The following IFT52 variants were observed in gnomAD, a reference collection of about 807,000 sequenced individuals.
IFT52 encodes intraflagellar transport 52.
In IFT52, 44 loss-of-function variants were observed where a neutral mutation model predicts 54.4. That is an observed-to-expected ratio of 0.81 (90% CI 0.63 to 1.04). IFT52 has a LOEUF of 1.04. Among genes scored for constraint, IFT52 ranks in the 50% least tolerant of loss-of-function variants. The pLI is 0.00. For missense variants in IFT52, 452 were observed against 523.6 expected (o/e 0.86, Z 1.33); for synonymous variants, 181 against 185.3 (o/e 0.98, Z 0.19).
chr20:43,632,971 A>T (rs1162153730), intron 10 of IFT52, among the ~76,000 whole-genome samples: 1 of 152,120 alleles, frequency 6.6e-6, no homozygotes, highest in African/African-American at 2.4e-5. Context: ...TCCTGAAAGG[A>T]TCATTACATT....
In IFT52 at chr20:43,647,266, T is replaced by G; in HGVS notation, c.*283T>G. Reference sequence around the variant, plus strand: ...TTTTTCTCAACCCCAGTTCTGGATTTGAGTCTTTTATCAAAGACATAATTA... The same window carrying G: ...TTTTTCTCAACCCCAGTTCTGGATTGGAGTCTTTTATCAAAGACATAATTA... On this transcript the variant is annotated 3_prime_UTR_variant, in exon 14 of 14. Transcript: ENST00000373030. The G allele has an allele frequency of 2.2e-5, 10 of 445,972 alleles. No individual in the cohort carries two copies. In the South Asian group the frequency reaches 2.8e-4, roughly 13 times the overall value. The allele number at this position is 445,972 out of a possible 1,614,324, so 27.6% of individuals were successfully genotyped here. A position where few individuals can be genotyped will look rare whatever the true frequency, so the allele number is the denominator to read the frequency against.
chr20:43,640,072 G>A (rs1985812519), intron 12 of IFT52, among the ~76,000 whole-genome samples: 1 of 152,118 alleles, frequency 6.6e-6, no homozygotes, highest in African/African-American at 2.4e-5. Flanking sequence ...GCCCAGGTGG[G>A]AGGATTGCTT....
chr20:43,616,108 A>G (rs1208305507), intron 7 of IFT52, among the ~76,000 whole-genome samples: 3 of 152,032 alleles, frequency 2.0e-5, no homozygotes, highest in Non-Finnish European at 4.4e-5. Flanking sequence ...TTTCCTGGGG[A>G]AGTTATAACT....
intron 10 of IFT52, among the ~76,000 whole-genome samples, chr20:43,628,264 A>C (rs1984895498): frequency 6.6e-6 from 1 of 152,118 alleles, no homozygotes; most frequent in African/African-American, 2.4e-5. Flanking sequence ...TGGATCATTC[A>C]GTTGGTACCC....
chr20:43,625,213 T>C (rs989791604), intron 10 of IFT52, among the ~76,000 whole-genome samples: 1 of 151,974 alleles, frequency 6.6e-6, no homozygotes, highest in Non-Finnish European at 1.5e-5. Context: ...ACATTGCATT[T>C]TAAATAGGGT....
At chr20:43,606,876 CAT>C (rs1304230021) in intron 6 of IFT52, among the ~76,000 whole-genome samples, 1 of 152,146 alleles carries the variant, frequency 6.6e-6, no homozygotes, top group African/African-American at 2.4e-5. Flanking sequence ...GGACACAGCA[CAT>C]GTTTCAGAGA....
chr20:43,629,564 G>GC (rs1443939334), intron 10 of IFT52, among the ~76,000 whole-genome samples: 1 of 152,190 alleles, frequency 6.6e-6, no homozygotes, highest in Non-Finnish European at 1.5e-5. Context: ...CAGCCACCGA[G>GC]CCCGGCCCCA....
chr20:43,634,825 G>A (rs1039988600), intron 10 of IFT52, among the ~76,000 whole-genome samples: 4 of 151,994 alleles, frequency 2.6e-5, no homozygotes, highest in African/African-American at 9.7e-5. Context: ...GCCCCAGTGT[G>A]TATTCTCCCC....
At chr20:43,608,140 AGAGAGGGAGAGGGAGACCGTGGGGAGAGG>A (rs1411363597) in intron 6 of IFT52, among the ~76,000 whole-genome samples, 4 of 152,120 alleles carry the variant, frequency 2.6e-5, no homozygotes, top group African/African-American at 2.4e-5. Context: ...GACCGTGGAA[AGAGAGGGAGAGGGAGACCGTGGGGAGAGG>A]GAGAGGGAGA....
In IFT52 at chr20:43,605,320, G is replaced by A; in HGVS notation, c.485+247G>A. 3 of 913,986 alleles carry A rather than the reference G, an allele frequency of 3.3e-6. 1 individual carries two copies. In the South Asian group the frequency reaches 5.9e-5, roughly 18 times the overall value. 56.6% of individuals were successfully genotyped at this position (913,986 alleles called of 1,614,324 possible). A position where few individuals can be genotyped will look rare whatever the true frequency, so the allele number is the denominator to read the frequency against. ...TAGCACTTTTGGGAGGCCGAGGTGG[G>A]TGGCCCACCTGAGGTCAGGAGTTAG... On this transcript the variant is annotated intron_variant, in intron 6 of 13. Transcript: ENST00000373030.
intron 3 of IFT52, among the ~76,000 whole-genome samples, chr20:43,596,764 C>T (rs2145584595): frequency 9.3e-6 from 1 of 107,586 alleles, no homozygotes; most frequent in East Asian, 2.8e-4. Context: ...TTTTTTGAGA[C>T]AGAGTCTCGC....
intron 2 of IFT52, among the ~76,000 whole-genome samples, chr20:43,595,795 AG>A (rs138425169): frequency 0.027 from 4,079 of 151,938 alleles, 68 homozygotes; most frequent in Non-Finnish European, 0.037. Context: ...CTGAGGCACA[AG>A]AATCCCTTGA....
chr20:43,641,750 T>A (rs1985936212), intron 12 of IFT52, among the ~76,000 whole-genome samples: 1 of 152,148 alleles, frequency 6.6e-6, no homozygotes, highest in African/African-American at 2.4e-5. Flanking sequence ...CACCTTGGCC[T>A]CCCAAAGTGC....
intron 10 of IFT52, among the ~76,000 whole-genome samples, chr20:43,625,472 C>T (rs1251363635): frequency 6.6e-6 from 1 of 151,950 alleles, no homozygotes; most frequent in Admixed American, 6.6e-5. Context: ...CATACCATTG[C>T]ACTCCAGCCT....
intron 10 of IFT52, among the ~76,000 whole-genome samples, chr20:43,626,264 CTT>C (rs1193799201): frequency 6.2e-4 from 86 of 138,722 alleles, no homozygotes; most frequent in Non-Finnish European, 6.2e-4. Context: ...ACATCTTTTC[CTT>C]TTTTTTTTTT....
At chr20:43,597,899 A>AAC (rs1195018845) in intron 3 of IFT52, among the ~76,000 whole-genome samples, 1 of 150,590 alleles carries the variant, frequency 6.6e-6, no homozygotes, top group Non-Finnish European at 1.5e-5. Context: ...TCAAAAAAAA[A>AAC]AAAAAAAAAA....
intron 9 of IFT52, chr20:43,621,161 A>G (rs1984273296): frequency 3.0e-6 from 1 of 331,300 alleles, no homozygotes; most frequent in Admixed American, 4.8e-5. Context: ...CAGTATGTAT[A>G]TAAATTAGAA....
chr20:43,644,649 G>A lies in IFT52; in HGVS notation c.1266+2025G>A, dbSNP rs142261424. On this transcript the variant is annotated intron_variant, in intron 13 of 13. Coordinates refer to ENST00000373030, the MANE Select transcript of IFT52 (RefSeq NM_016004.5). ...ACAAAAATTAGCCAGGTGTGGTGGCGTGCACCTGTAGTCCCTGCTACTCAG... is the reference window on the plus strand; with the variant it reads ...ACAAAAATTAGCCAGGTGTGGTGGCATGCACCTGTAGTCCCTGCTACTCAG... Among the ~76,000 whole-genome samples the A allele has an allele frequency of 0.016, 916 of 55,774 alleles. 409 individuals are homozygous for A. The Middle Eastern group carries it at 0.2, about 12-fold the overall frequency. 36.6% of individuals were successfully genotyped at this position (55,774 alleles called of 152,430 possible). A position where few individuals can be genotyped will look rare whatever the true frequency, so the allele number is the denominator to read the frequency against.
At chr20:43,613,511 G>GT (rs1983615880) in intron 6 of IFT52, among the ~76,000 whole-genome samples, 1 of 152,148 alleles carries the variant, frequency 6.6e-6, no homozygotes, top group Non-Finnish European at 1.5e-5. Flanking sequence ...GCTGAGCACC[G>GT]TGGCACACGC....
Sources: gnomAD v4.1 joint callset for allele counts (sites outside exome capture counted in the v4.1 genomes callset) on GRCh38, gnomAD v4.1.1 for gene constraint, MANE v1.5 for transcripts, NCBI Gene and HGNC (gene_info 2026-07-23, HGNC 2026-07-21) for gene names.